SNX7: variants seen among roughly 807,000 people sequenced by gnomAD.
The protein encoded by SNX7 is sorting nexin-7.
SNX7 carries 35 observed loss-of-function variants against 48.4 expected under a neutral mutation model. The ratio of observed to expected loss-of-function variants is 0.72; its 90% confidence interval spans 0.55 to 0.96. The LOEUF (loss-of-function observed/expected upper bound fraction) is 0.96, where lower values mean the gene tolerates loss of function less well. Among genes scored for constraint, SNX7 ranks in the 40% least tolerant of loss-of-function variants. The pLI is 0.00. For synonymous variants in SNX7, 190 were observed against 190.2 expected, an observed-to-expected ratio of 1.00 and a Z score of 0.01; for missense variants, 553 against 548.9, an observed-to-expected ratio of 1.01 and a Z score of -0.07.
chr1:98,696,091 AGAT>A, intron 5 of SNX7, among the ~76,000 whole-genome samples: 1 of 152,226 alleles, frequency 6.6e-6, no homozygotes, highest in Non-Finnish European at 1.5e-5. Context: ...TGGAGGGAAC[AGAT>A]ACTCTGTATT....
At chr1:98,701,353 TTCCTGTTTGATTATCTGA>T (rs1379865942) in intron 6 of SNX7, among the ~76,000 whole-genome samples, 8 of 152,158 alleles carry the variant, frequency 5.3e-5, no homozygotes, top group Admixed American at 1.3e-4. Context: ...CTACCATAAT[TTCCTGTTTGATTATCTGA>T]TCCTTTGGAG....
At position 98,702,251 on chromosome 1, in the gene SNX7, G is replaced by A. The variant is rs78423495; in HGVS notation, c.1125+348G>A. Among the ~76,000 whole-genome samples the A allele has an allele frequency of 0.032, 4,880 of 152,074 alleles. 372 individuals are homozygous for A. In the East Asian group the frequency reaches 0.34, roughly 11 times the overall value. On this transcript the variant is annotated intron_variant, in intron 7 of 8. Coordinates refer to ENST00000306121, the MANE Select transcript of SNX7 (RefSeq NM_015976.5). ...CAGTAAGTAAATCTACTTTTTTATA[G>A]TTTTTTGAGATATTTATATACATTA...
chr1:98,731,733 A>G (rs1468193332), intron 7 of SNX7, among the ~76,000 whole-genome samples: 1 of 152,068 alleles, frequency 6.6e-6, no homozygotes, highest in Non-Finnish European at 1.5e-5. Context: ...ACAGTGGTAA[A>G]TATTTGTGTA....
intron 7 of SNX7, among the ~76,000 whole-genome samples, chr1:98,726,459 G>GT (rs1653176590): frequency 6.6e-6 from 1 of 152,148 alleles, no homozygotes; most frequent in Non-Finnish European, 1.5e-5. Context: ...TTCATAACAG[G>GT]TACATGTCTT....
chr1:98,722,588 C>G (rs1272265132), intron 7 of SNX7, among the ~76,000 whole-genome samples: 2 of 151,802 alleles, frequency 1.3e-5, no homozygotes, highest in African/African-American at 2.4e-5. Context: ...CCCAGCTTTT[C>G]TGATTATGAA....
At chr1:98,673,283 G>A (rs927041659) in intron 1 of SNX7, among the ~76,000 whole-genome samples, 10 of 152,000 alleles carry the variant, frequency 6.6e-5, no homozygotes, top group African/African-American at 2.4e-4. Flanking sequence ...TATTCTTCCT[G>A]CCTTGGGCCT....
intron 5 of SNX7, among the ~76,000 whole-genome samples, chr1:98,698,080 A>G (rs935936725): frequency 6.6e-6 from 1 of 152,184 alleles, no homozygotes; most frequent in African/African-American, 2.4e-5. Context: ...TTAGCTACAA[A>G]GAGTCAATGT....
intron 1 of SNX7, among the ~76,000 whole-genome samples, chr1:98,671,604 A>G (rs1436610281): frequency 6.6e-6 from 1 of 152,220 alleles, no homozygotes; most frequent in South Asian, 2.1e-4. Flanking sequence ...TAAGATAATT[A>G]ACCAGATTGT....
At chr1:98,757,504 G>T (rs910255383) in intron 8 of SNX7, among the ~76,000 whole-genome samples, 7 of 151,840 alleles carry the variant, frequency 4.6e-5, no homozygotes, top group Non-Finnish European at 7.4e-5. Context: ...AGTCATATTG[G>T]ATTAGGGCTC....
At position 98,733,746 on chromosome 1, in the gene SNX7, G is replaced by A. The variant is rs147616076; in HGVS notation, c.1126-4491G>A. On this transcript the variant is annotated intron_variant, in intron 7 of 8. Coordinates refer to ENST00000306121, the MANE Select transcript of SNX7 (RefSeq NM_015976.5). ...CGTTCCTAACGCAGACTAGATGGAT[G>A]CTGAGTGGAAGCTGCTGGGTGAATG... Among the ~76,000 whole-genome samples, 3 of 152,124 alleles carry A rather than the reference G, an allele frequency of 2.0e-5. No homozygotes were observed. The East Asian group carries it at 5.8e-4, about 29-fold the overall frequency.
rs1491348958 is a variant in SNX7 at position 98,663,252 on chromosome 1, G to GTTTTTTTTTTTTTTTTTTT, written c.180+1341_180+1342insTTTTTTTTTTTTTTTTTTT. Among the ~76,000 whole-genome samples, 17 of 83,182 alleles carry GTTTTTTTTTTTTTTTTTTT rather than the reference G, an allele frequency of 2.0e-4. 8 individuals carry two copies. The highest frequency in any genetic ancestry group is 8.1e-4 in the South Asian group (2 of 2,468). 54.6% of individuals were successfully genotyped at this position (83,182 alleles called of 152,430 possible). ...ATCAGAATCATCAGGGTTTCTTTCT[G>GTTTTTTTTTTTTTTTTTTT]GTTTTTTTTTTTTTTTTTTTTTTTT... On this transcript the variant is annotated intron_variant, in intron 1 of 8. Transcript: ENST00000306121.
At position 98,760,348 on chromosome 1, in the gene SNX7, A is replaced by ATC; in HGVS notation, c.*217_*218insTC. On this transcript the variant is annotated 3_prime_UTR_variant, in exon 9 of 9. Transcript: ENST00000306121. ...TATATCTATATGTATATAGATATAT[A>ATC]AATACAGAGAGATATCTGGCTTGGT... is the stretch of plus-strand genomic sequence containing the variant. The ATC allele has an allele frequency of 2.6e-6, 1 of 379,016 alleles. No homozygotes were observed. The highest frequency in any genetic ancestry group is 4.7e-6 in the Non-Finnish European group (1 of 211,386). The allele number at this position is 379,016 out of a possible 1,614,324, so 23.5% of individuals were successfully genotyped here.
At chr1:98,714,081 G>T (rs377015105) in intron 7 of SNX7, among the ~76,000 whole-genome samples, 6 of 152,134 alleles carry the variant, frequency 3.9e-5, no homozygotes, top group East Asian at 1.9e-4. Context: ...ATAAAATGAG[G>T]TATAGTTGTA....
At chr1:98,661,610 G>GC (rs990996221), upstream of SNX7, 4 of 927,272 alleles carry the variant, frequency 4.3e-6, no homozygotes, top group African/African-American at 7.0e-5. Flanking sequence ...CGTCTGCGCA[G>GC]CGGGCGAGGG....
At chr1:98,678,659 G>A (rs759611440) in intron 1 of SNX7, among the ~76,000 whole-genome samples, 1 of 152,136 alleles carries the variant, frequency 6.6e-6, no homozygotes, top group Non-Finnish European at 1.5e-5. Flanking sequence ...ACATACTGGT[G>A]CAGCTTTAAG....
intron 5 of SNX7, among the ~76,000 whole-genome samples, chr1:98,696,564 A>T (rs565407405): frequency 6.6e-6 from 1 of 152,174 alleles, no homozygotes; most frequent in Admixed American, 6.5e-5. Context: ...TTAAGAATTG[A>T]TTGGTTTTAA....
chr1:98,695,848 T>C lies in SNX7; in HGVS notation c.838+132T>C, dbSNP rs181568585. The C allele has an allele frequency of 5.9e-6, 4 of 681,876 alleles. No homozygotes were observed. In the Admixed American group the frequency reaches 7.8e-5, roughly 13 times the overall value. The allele number at this position is 681,876 out of a possible 1,614,324, so 42.2% of individuals were successfully genotyped here. A position where few individuals can be genotyped will look rare whatever the true frequency, so the allele number is the denominator to read the frequency against. ...GTGTGGCTTATTCCTAGCCATCTTA[T>C]GGACATTTCTGATTCCTAAATGATT... On this transcript the variant is annotated intron_variant, in intron 5 of 8. Coordinates refer to ENST00000306121, the MANE Select transcript of SNX7 (RefSeq NM_015976.5).
chr1:98,672,126 G>A (rs768474910), intron 1 of SNX7, among the ~76,000 whole-genome samples: 9 of 152,098 alleles, frequency 5.9e-5, no homozygotes, highest in Admixed American at 3.3e-4. Context: ...ATTAGGTTAT[G>A]CTGCAGTACA....
chr1:98,699,495 A>G (rs753613477), intron 6 of SNX7, among the ~76,000 whole-genome samples: 19 of 152,188 alleles, frequency 1.2e-4, no homozygotes, highest in South Asian at 4.1e-4. Flanking sequence ...TGCTATCTGC[A>G]AAGCTAATAT....
Sources: gnomAD v4.1 joint callset for allele counts (sites outside exome capture counted in the v4.1 genomes callset) on GRCh38, gnomAD v4.1.1 for gene constraint, MANE v1.5 for transcripts, NCBI Gene and HGNC (gene_info 2026-07-23, HGNC 2026-07-21) for gene names.